AMOTL1: variants seen among roughly 807,000 people sequenced by gnomAD.
AMOTL1 encodes the protein angiomotin like 1, also known as angiomotin-like protein 1.
AMOTL1 carries 45 observed loss-of-function variants against 102.9 expected under a neutral mutation model. That is an observed-to-expected ratio of 0.44 (90% CI 0.34 to 0.56). The LOEUF (loss-of-function observed/expected upper bound fraction) is 0.56. Among genes scored for constraint, AMOTL1 ranks in the 20% least tolerant of loss-of-function variants. The probability of loss-of-function intolerance (pLI) is 0.01; values close to 1 mark genes in which losing one functional copy is unlikely to be tolerated. For synonymous variants in AMOTL1, 481 were observed against 484.7 expected (o/e 0.99, Z 0.10); for missense variants, 1,114 against 1,225.6 (o/e 0.91, Z 1.36).
intron 1 of AMOTL1, among the ~76,000 whole-genome samples, chr11:94,713,471 A>G (rs958490295): frequency 9.2e-5 from 14 of 151,748 alleles, no homozygotes; most frequent in Non-Finnish European, 1.8e-4. Context: ...TTGGGGAGAA[A>G]TGACATTTTT....
chr11:94,867,005 A>C (rs1952898230), intron 11 of AMOTL1, among the ~76,000 whole-genome samples: 1 of 151,968 alleles, frequency 6.6e-6, no homozygotes, highest in Non-Finnish European at 1.5e-5. Context: ...CTTCCCCTGC[A>C]CTCTGGCCTC....
At chr11:94,786,414 C>T (rs1298107655) in intron 1 of AMOTL1, among the ~76,000 whole-genome samples, 7 of 152,124 alleles carry the variant, frequency 4.6e-5, no homozygotes. Context: ...CCCCGGTGCC[C>T]AGACCTGCGG....
At chr11:94,798,569 G>A (rs2135569019) in intron 2 of AMOTL1, among the ~76,000 whole-genome samples, 1 of 152,296 alleles carries the variant, frequency 6.6e-6, no homozygotes, top group East Asian at 1.9e-4. Context: ...GCCATCGTCT[G>A]GCAGTTGTAG....
chr11:94,844,024 C>T (rs984776859), intron 6 of AMOTL1, among the ~76,000 whole-genome samples: 7 of 152,182 alleles, frequency 4.6e-5, no homozygotes, highest in South Asian at 2.1e-4. Context: ...TCTATGGCCT[C>T]TTCTCTGGTA....
upstream of AMOTL1, chr11:94,768,271 G>C (rs1670806222): frequency 8.1e-7 from 1 of 1,231,696 alleles, no homozygotes; most frequent in Non-Finnish European, 1.0e-6. Flanking sequence ...GCCACGGCGG[G>C]GGTGGAGTGT....
chr11:94,846,094 G>A lies in AMOTL1; in HGVS notation c.1649-4020G>A, dbSNP rs11820936. ...TTGAGTGAGTCTGATACACTTCATG[G>A]TCCCCATGTCTCCAAGAGTTGGGGA... On this transcript the variant is annotated intron_variant, in intron 6 of 12. Coordinates refer to ENST00000433060, the MANE Select transcript of AMOTL1 (RefSeq NM_130847.3). 1.2e-3 allele frequency among the ~76,000 whole-genome samples: 177 copies of A among 152,254 alleles called. 1 individual carries two copies. The highest frequency in any genetic ancestry group is 4.1e-3 in the African/African-American group (170 of 41,534).
At chr11:94,835,159 C>T (rs1010877068) in intron 6 of AMOTL1, among the ~76,000 whole-genome samples, 1 of 152,182 alleles carries the variant, frequency 6.6e-6, no homozygotes, top group Admixed American at 6.5e-5. Context: ...TGTGAATTCT[C>T]TGGTCTTGCT....
chr11:94,841,774 T>C (rs962674172), intron 6 of AMOTL1, among the ~76,000 whole-genome samples: 3 of 152,202 alleles, frequency 2.0e-5, no homozygotes, highest in African/African-American at 7.2e-5. Flanking sequence ...AGTGCATATG[T>C]AATAAACTTG....
At chr11:94,843,595 A>G (rs1433493949) in intron 6 of AMOTL1, among the ~76,000 whole-genome samples, 1 of 152,360 alleles carries the variant, frequency 6.6e-6, no homozygotes, top group East Asian at 1.9e-4. Context: ...GTCCCTTGGA[A>G]TAGAATCCTC....
intron 1 of AMOTL1, among the ~76,000 whole-genome samples, chr11:94,787,964 G>A (rs1951220308): frequency 6.6e-6 from 1 of 152,194 alleles, no homozygotes; most frequent in Non-Finnish European, 1.5e-5. Flanking sequence ...TACTTGTCTT[G>A]TTAGGGTGAG....
chr11:94,825,423 C>G (rs1951943784), intron 4 of AMOTL1, among the ~76,000 whole-genome samples: 1 of 152,194 alleles, frequency 6.6e-6, no homozygotes, highest in African/African-American at 2.4e-5. Context: ...CTGAGATTTT[C>G]TCAGGGCCTT....
chr11:94,754,493 C>T (rs1018337527), intron 3 of AMOTL1, among the ~76,000 whole-genome samples: 1 of 152,210 alleles, frequency 6.6e-6, no homozygotes, highest in Admixed American at 6.5e-5. Context: ...AAATGCTGTC[C>T]ACACCCTCAT....
chr11:94,795,828 A>G (rs1951356564), intron 2 of AMOTL1, among the ~76,000 whole-genome samples: 1 of 152,198 alleles, frequency 6.6e-6, no homozygotes, highest in Non-Finnish European at 1.5e-5. Context: ...TATTCATTTT[A>G]TTTTAAAATG....
chr11:94,817,943 T>G (rs967456686), intron 3 of AMOTL1, among the ~76,000 whole-genome samples: 11 of 152,242 alleles, frequency 7.2e-5, no homozygotes, highest in African/African-American at 2.7e-4. Context: ...CCCTTTTTCT[T>G]TGAGCTGTTT....
intron 2 of AMOTL1, among the ~76,000 whole-genome samples, chr11:94,732,445 G>A (rs2135461913): frequency 6.6e-6 from 1 of 152,238 alleles, no homozygotes; most frequent in Non-Finnish European, 1.5e-5. Context: ...TCCTGCTTCT[G>A]ACACTCCTAA....
rs1952185422 is a variant in AMOTL1, at chr11:94,836,537, A to T, written c.1648+4996A>T. ...TCAATAAATGTTTATTGAGAGAATG[A>T]GTAAGAGTGGAAAATCCTGGTGACA... On this transcript the variant is annotated intron_variant, in intron 6 of 12. Transcript: ENST00000433060. Among the ~76,000 whole-genome samples, 3 of 152,208 alleles carry T rather than the reference A, an allele frequency of 2.0e-5. No individual in the cohort carries two copies. The South Asian group carries it at 6.2e-4, about 31-fold the overall frequency.
chr11:94,787,629 A>G (rs902647478), intron 1 of AMOTL1, among the ~76,000 whole-genome samples: 13 of 127,482 alleles, frequency 1.0e-4, no homozygotes, highest in African/African-American at 3.9e-4. Context: ...CGGAGCTTGC[A>G]GTGAGTCGAG....
intron 4 of AMOTL1, among the ~76,000 whole-genome samples, chr11:94,828,783 G>C (rs1952016526): frequency 6.6e-6 from 1 of 152,140 alleles, no homozygotes; most frequent in South Asian, 2.1e-4. Flanking sequence ...GAGGGTCCCT[G>C]GCTCCTGGTG....
chr11:94,734,813 C>T (rs1203772584), intron 2 of AMOTL1, among the ~76,000 whole-genome samples: 1 of 152,210 alleles, frequency 6.6e-6, no homozygotes, highest in Non-Finnish European at 1.5e-5. Context: ...CTCAGCTCAG[C>T]TCACTTCTTT....
Sources: allele counts gnomAD v4.1 joint callset (sites outside exome capture counted in the v4.1 genomes callset), GRCh38; gene constraint gnomAD v4.1.1; transcripts MANE v1.5; gene names NCBI Gene and HGNC (gene_info 2026-07-23, HGNC 2026-07-21).